Variants in NEO1 observed in about 807,000 individuals in gnomAD.
NEO1 encodes neogenin.
Under a neutral mutation model 159.7 loss-of-function variants are expected in NEO1, and 63 were observed. That is an observed-to-expected ratio of 0.39 (90% CI 0.32 to 0.49). NEO1 has a LOEUF of 0.49. Ranked by LOEUF, NEO1 falls within the 20% of genes least tolerant of loss-of-function variation. The pLI is 0.85. For synonymous variants in NEO1, 633 were observed against 662.0 expected, an observed-to-expected ratio of 0.96 and a Z score of 0.67; for missense variants, 1,615 against 1,831.0, an observed-to-expected ratio of 0.88 and a Z score of 2.15.
chr15:73,288,660 C>A (rs1213185741), intron 24 of NEO1, 109 bp downstream of exon 24: 5 of 866,884 alleles, frequency 5.8e-6, no homozygotes, highest in Non-Finnish European at 9.3e-6. Context: ...TATATGAGAT[C>A]AGATTTAGAG....
intron 4 of NEO1, among the ~76,000 whole-genome samples, chr15:73,131,691 T>C (rs561500267): frequency 6.6e-6 from 1 of 152,360 alleles, no homozygotes; most frequent in African/African-American, 2.4e-5. Context: ...TTCAAAGCTC[T>C]TATTTTACCA....
intron 25 of NEO1, 109 bp downstream of exon 25, chr15:73,289,347 C>A: frequency 1.1e-6 from 1 of 944,632 alleles, no homozygotes; most frequent in South Asian, 1.5e-5. Flanking sequence ...CAAAGATAAT[C>A]TACCAAAGCT....
intron 5 of NEO1, among the ~76,000 whole-genome samples, chr15:73,152,269 C>T (rs1013447992): frequency 6.6e-6 from 1 of 152,198 alleles, no homozygotes. Flanking sequence ...TGCCCCAAGG[C>T]TCTAATCTTC....
At chr15:73,298,742 TGTTA>T (rs2042478392) in intron 27 of NEO1, 131 bp downstream of exon 27, 1 of 1,302,898 alleles carries the variant, frequency 7.7e-7, no homozygotes, top group African/African-American at 1.5e-5. Flanking sequence ...TTAGCAATTC[TGTTA>T]GCGTAGCAGT....
intron 7 of NEO1, among the ~76,000 whole-genome samples, chr15:73,209,517 T>G (rs374288882): frequency 3.3e-5 from 5 of 152,352 alleles, no homozygotes; most frequent in African/African-American, 1.2e-4. Flanking sequence ...TTTTGATTGC[T>G]TTCTTTGAGC....
At chr15:73,280,081 G>A (rs1377960679) in intron 22 of NEO1, among the ~76,000 whole-genome samples, 10 of 152,182 alleles carry the variant, frequency 6.6e-5, no homozygotes, top group Non-Finnish European at 1.5e-4. Flanking sequence ...TAGCAGTGAA[G>A]AATAAGTTGG....
intron 1 of NEO1, among the ~76,000 whole-genome samples, chr15:73,068,575 T>C (rs2068356910): frequency 1.3e-5 from 2 of 152,168 alleles, no homozygotes; most frequent in Admixed American, 1.3e-4. Flanking sequence ...GCCAGCCTTT[T>C]TTCTTGGAGG....
chr15:73,217,503 C>A (rs2037965370), intron 7 of NEO1, among the ~76,000 whole-genome samples: 1 of 152,082 alleles, frequency 6.6e-6, no homozygotes, highest in Non-Finnish European at 1.5e-5. Flanking sequence ...GGCATTGAAT[C>A]TATAAATTGC....
intron 7 of NEO1, among the ~76,000 whole-genome samples, chr15:73,180,076 G>A (rs1402581794): frequency 6.6e-6 from 1 of 152,006 alleles, no homozygotes; most frequent in Non-Finnish European, 1.5e-5. Context: ...ATTTGTTTTA[G>A]CAACTGAAAC....
chr15:73,225,775 G>A (rs1028106803), intron 7 of NEO1, among the ~76,000 whole-genome samples: 3 of 152,192 alleles, frequency 2.0e-5, no homozygotes, highest in African/African-American at 4.8e-5. Flanking sequence ...CTGCACACCT[G>A]ATTCGCACCC....
At chr15:73,275,226 A>G (rs556278496) in intron 21 of NEO1, among the ~76,000 whole-genome samples, 2 of 152,162 alleles carry the variant, frequency 1.3e-5, no homozygotes, top group African/African-American at 4.8e-5. Flanking sequence ...ACCTTACTCA[A>G]TGTTGTGATT....
At chr15:73,130,163 G>A (rs1479764462) in intron 4 of NEO1, among the ~76,000 whole-genome samples, 7 of 151,980 alleles carry the variant, frequency 4.6e-5, no homozygotes, top group Admixed American at 2.0e-4. Context: ...TCATAGAGAC[G>A]GGGTTTCACC....
At chr15:73,188,225 A>G (rs1038474948) in intron 7 of NEO1, among the ~76,000 whole-genome samples, 15 of 152,204 alleles carry the variant, frequency 9.9e-5, no homozygotes, top group Admixed American at 5.2e-4. Flanking sequence ...AAAAGACTTT[A>G]CTAATTATAT....
At chr15:73,097,721 T>A (rs999191464) in intron 1 of NEO1, among the ~76,000 whole-genome samples, 3 of 151,274 alleles carry the variant, frequency 2.0e-5, no homozygotes, top group Non-Finnish European at 4.4e-5. Context: ...TATTTTCTAT[T>A]ATGATGAGAT....
At chr15:73,063,412 A>G (rs1179514720) in intron 1 of NEO1, among the ~76,000 whole-genome samples, 1 of 151,918 alleles carries the variant, frequency 6.6e-6, no homozygotes, top group Non-Finnish European at 1.5e-5. Context: ...ATTATTGTAT[A>G]CTAGATGGAG....
At chr15:73,072,820 G>A (rs1277322231) in intron 1 of NEO1, among the ~76,000 whole-genome samples, 2 of 152,104 alleles carry the variant, frequency 1.3e-5, no homozygotes, top group Non-Finnish European at 2.9e-5. Flanking sequence ...GTGTAGAGAA[G>A]TACATGGAAT....
At chr15:73,148,736 GA>G (rs1238241336) in intron 5 of NEO1, among the ~76,000 whole-genome samples, 1 of 152,086 alleles carries the variant, frequency 6.6e-6, no homozygotes, top group Non-Finnish European at 1.5e-5. Flanking sequence ...AAAGCTAAAT[GA>G]ATCTAAATTA....
chr15:73,295,146 A>ATATATATATAT (rs1277362385), intron 26 of NEO1, among the ~76,000 whole-genome samples: 24 of 140,204 alleles, frequency 1.7e-4, no homozygotes, highest in South Asian at 4.4e-4. Flanking sequence ...ATATATATGT[A>ATATATATATAT]AAAATTTGGC....
chr15:73,158,688 C>T (rs1841384152), intron 5 of NEO1, among the ~76,000 whole-genome samples: 1 of 152,096 alleles, frequency 6.6e-6, no homozygotes, highest in African/African-American at 2.4e-5. Context: ...TCACACCTGT[C>T]CTCACTTTTA....
Sources: gnomAD v4.1 joint callset for allele counts (sites outside exome capture counted in the v4.1 genomes callset) on GRCh38, gnomAD v4.1.1 for gene constraint, MANE v1.5 for transcripts, NCBI Gene and HGNC (gene_info 2026-07-23, HGNC 2026-07-21) for gene names.